The following SERPINB2 variants were observed in gnomAD, a reference collection of about 807,000 sequenced individuals.
SERPINB2 encodes serpin family B member 2, also known as plasminogen activator inhibitor 2.
Under a neutral mutation model 39.4 loss-of-function variants are expected in SERPINB2, and 28 were observed. The ratio of observed to expected loss-of-function variants is 0.71; its 90% CI spans 0.53 to 0.97. The LOEUF (loss-of-function observed/expected upper bound fraction) is 0.97, where lower values mean the gene tolerates loss of function less well. Among genes scored for constraint, SERPINB2 ranks in the 50% least tolerant of loss-of-function variants. The pLI is 0.00. For missense variants in SERPINB2, 557 were observed against 505.3 expected, an observed-to-expected ratio of 1.10 and a Z score of -0.98; for synonymous variants, 209 against 175.1, an observed-to-expected ratio of 1.19 and a Z score of -1.53.
chr18:63,898,030 C>T (rs1016325991), intron 5 of SERPINB2, among the ~76,000 whole-genome samples, 186 bp downstream of exon 5: 1 of 152,074 alleles, frequency 6.6e-6, no homozygotes, highest in Non-Finnish European at 1.5e-5. Flanking sequence ...TAATTGAGGC[C>T]TACTAATAGA....
At position 63,891,356 on chromosome 18, in the gene SERPINB2, C is replaced by G; in HGVS notation, c.-9-80C>G. The G allele has an allele frequency of 2.1e-6, 3 of 1,400,776 alleles. No individual in the cohort carries two copies. The African/African-American group carries it at 4.3e-5, about 20-fold the overall frequency. The allele number at this position is 1,400,776 out of a possible 1,614,324, so 86.8% of individuals were successfully genotyped here. On this transcript the variant is annotated intron_variant, in intron 1 of 7. Coordinates refer to ENST00000299502, the MANE Select transcript of SERPINB2 (RefSeq NM_002575.3). ...AATCTGTCCCTACACAGAATGCAGC[C>G]TGTCCTACTGTTGCTGACCTCACCC...
intron 5 of SERPINB2, among the ~76,000 whole-genome samples, chr18:63,900,282 A>T: frequency 6.6e-6 from 1 of 152,328 alleles, no homozygotes; most frequent in Middle Eastern, 3.4e-3. Context: ...ACTAACCAAA[A>T]ATTTTAATAG....
In SERPINB2 at chr18:63,901,767, G is replaced by T; in HGVS notation, c.563G>T (p.Gly188Val). 2 of 1,570,528 alleles carry T rather than the reference G, an allele frequency of 1.3e-6. No homozygotes were observed. Among genetic ancestry groups the T allele is most frequent in the Non-Finnish European group, 1.7e-6 (2 of 1,167,872 alleles). Reference protein sequence around the residue: ...KGKIPNLLPEGSVDGDTRMVL... With the variant: ...KGKIPNLLPEVSVDGDTRMVL... ...AAAATCCCAAACTTGTTACCTGAAG[G>T]TTCTGTAGATGGGGATACCAGGATG... Residue 188 changes from glycine (G) to valine (V), a missense_variant, in exon 6 of 8, where the codon GGT becomes GTT. Physicochemically the swap from Gly to Val is moderately radical, Grantham distance 109. Transcript: ENST00000299502.
At chr18:63,892,323 T>C (rs1568235191) in intron 2 of SERPINB2, among the ~76,000 whole-genome samples, 1 of 152,166 alleles carries the variant, frequency 6.6e-6, no homozygotes, top group Non-Finnish European at 1.5e-5. Context: ...CCTTGGTGAA[T>C]GGACGTGGAC....
At position 63,902,888 on chromosome 18, in the gene SERPINB2, T is replaced by C. The variant is rs146947244; in HGVS notation, c.844-13T>C. 2.4e-4 allele frequency: 378 copies of C among 1,559,766 alleles called. 3 individuals carry two copies. The East Asian group carries it at 7.8e-3, about 32-fold the overall frequency. On this transcript the variant is annotated splice_polypyrimidine_tract_variant and intron_variant, in intron 7 of 7. Coordinates refer to ENST00000299502, the MANE Select transcript of SERPINB2 (RefSeq NM_002575.3). ...ATTTTCTTTTGTTTGTTTTGTTTTG[T>C]TTTGCTTTGCAGCTGGAAAGTGAAA...
rs2050008801 is a variant in SERPINB2 at position 63,903,586 on chromosome 18, T to A, written c.*281T>A. The A allele has an allele frequency of 5.0e-6, 1 of 199,778 alleles. No individual in the cohort carries two copies. Among genetic ancestry groups the A allele is most frequent in the Non-Finnish European group, 9.9e-6 (1 of 100,564 alleles). 12.4% of individuals were successfully genotyped at this position (199,778 alleles called of 1,614,324 possible). A position where few individuals can be genotyped will look rare whatever the true frequency, so the allele number is the denominator to read the frequency against. The stretch of plus-strand genomic sequence containing the variant: ...ATAACATTAACTTTTACTTTGTTAT[T>A]TATTATTTTATATAATGGTGAGTTT... On this transcript the variant is annotated 3_prime_UTR_variant, in exon 8 of 8. Transcript: ENST00000299502.
chr18:63,900,436 G>A (rs2049984466), intron 5 of SERPINB2, among the ~76,000 whole-genome samples: 1 of 152,150 alleles, frequency 6.6e-6, no homozygotes, highest in South Asian at 2.1e-4. Flanking sequence ...GCTGGAGGTA[G>A]GGTAGAAGAA....
intron 1 of SERPINB2, among the ~76,000 whole-genome samples, chr18:63,888,208 C>A (rs1251714494): frequency 2.6e-5 from 4 of 152,098 alleles, no homozygotes; most frequent in African/African-American, 4.8e-5. Context: ...TCATTTGCAC[C>A]TTAAATGAAA....
intron 1 of SERPINB2, chr18:63,890,133 T>C (rs1435613797): frequency 6.6e-6 from 1 of 152,232 alleles, no homozygotes; most frequent in Non-Finnish European, 1.5e-5. Flanking sequence ...TTTAATTTAC[T>C]ATTTTTGTCT....
chr18:63,898,316 T>C (rs879187295), intron 5 of SERPINB2, among the ~76,000 whole-genome samples: 3 of 152,234 alleles, frequency 2.0e-5, no homozygotes, highest in Admixed American at 2.0e-4. Flanking sequence ...CAAGTTTTTT[T>C]GGTCTCTGCT....
Position 63,897,117 on chromosome 18 carries a change from A to ATCCT in SERPINB2, c.319_322dup (p.Arg108LeufsTer22). ...CACAAGCTGCAGATAAAATCCATTC[A>ATCCT]TCCTTCCGCTCTCTCAGCTCTGCAA... On this transcript the variant is annotated frameshift_variant, in exon 4 of 8. Coordinates refer to ENST00000299502, the MANE Select transcript of SERPINB2 (RefSeq NM_002575.3). LOFTEE classifies it high-confidence loss of function. 6.2e-7 allele frequency: 1 copy of ATCCT among 1,613,214 alleles called. No homozygotes were observed. Among genetic ancestry groups the ATCCT allele is most frequent in the Non-Finnish European group, 8.5e-7 (1 of 1,179,440 alleles).
At chr18:63,899,133 T>C (rs1334601421) in intron 5 of SERPINB2, among the ~76,000 whole-genome samples, 1 of 152,206 alleles carries the variant, frequency 6.6e-6, no homozygotes, top group South Asian at 2.1e-4. Context: ...AGGATTTAAG[T>C]TGCAGTTTAA....
rs950760245 is a variant in SERPINB2 at position 63,902,824 on chromosome 18, A to T, written c.844-77A>T. ...AGTAAAGTCACTGATTTTTAATATT[A>T]GACTTAAAGTTGTTTTCCTTCTTTC... On this transcript the variant is annotated intron_variant, in intron 7 of 7. Transcript: ENST00000299502. 19 of 1,388,630 alleles carry T rather than the reference A, an allele frequency of 1.4e-5. No homozygotes were observed. In the African/African-American group the frequency reaches 2.2e-4, roughly 16 times the overall value. 86.0% of individuals were successfully genotyped at this position (1,388,630 alleles called of 1,614,324 possible).
intron 6 of SERPINB2, among the ~76,000 whole-genome samples, chr18:63,902,158 C>T (rs2049995643): frequency 6.6e-6 from 1 of 152,074 alleles, no homozygotes; most frequent in Non-Finnish European, 1.5e-5. Context: ...AAGAACTAAA[C>T]AAGTGTTTTA....
intron 5 of SERPINB2, 82 bp downstream of exon 5, chr18:63,897,926 G>A (rs2049971051): frequency 1.1e-6 from 1 of 909,064 alleles, no homozygotes; most frequent in Non-Finnish European, 1.8e-6. Context: ...AACTTAGTTA[G>A]CCCTCACCCC....
At position 63,903,104 on chromosome 18, in the gene SERPINB2, G is replaced by A; in HGVS notation, c.1047G>A (p.Leu349=). The A allele has an allele frequency of 1.2e-6, 2 of 1,613,704 alleles. No individual in the cohort carries two copies. Among genetic ancestry groups the A allele is most frequent in the South Asian group, 1.1e-5 (1 of 91,046 alleles). ...CAGGGATGTCGGAGAGGAATGACCT[G>A]TTTCTTTCTGAAGTGTTCCACCAAG... is the stretch of plus-strand genomic sequence containing the variant. The part of the protein sequence containing the change: ...NFSGMSERND[L]FLSEVFHQAM... Residue 349 remains leucine (L), a synonymous_variant, in exon 8 of 8, where the codon CTG becomes CTA. Coordinates refer to ENST00000299502, the MANE Select transcript of SERPINB2 (RefSeq NM_002575.3).
chr18:63,889,756 G>A (rs1453908505), intron 1 of SERPINB2: 2 of 148,452 alleles, frequency 1.3e-5, no homozygotes, highest in African/African-American at 5.0e-5. Flanking sequence ...AAAAAAAAGT[G>A]ACTTTTTGTT....
At chr18:63,899,632 C>T (rs1056680862) in intron 5 of SERPINB2, among the ~76,000 whole-genome samples, 3 of 152,176 alleles carry the variant, frequency 2.0e-5, no homozygotes, top group African/African-American at 2.4e-5. Context: ...AGGGGATTAG[C>T]CGGCTCCCCT....
Position 63,895,374 on chromosome 18 carries a change from G to C in SERPINB2, c.279G>C (p.Ala93=), listed in dbSNP as rs6096. Residue 93 remains alanine, a synonymous_variant, in exon 3 of 8, where the codon GCG becomes GCC. Transcript: ENST00000299502. ...TCCAGAAGGGTAGTTATCCTGATGC[G>C]ATTTTGCAGGTATCTGACTTACTGG... is the stretch of plus-strand genomic sequence containing the variant. ...QQIQKGSYPD[A]ILQAQAADKI... is the part of the protein sequence containing the mutation. The C allele has an allele frequency of 2.5e-6, 4 of 1,613,928 alleles. No individual in the cohort carries two copies. The highest frequency in any genetic ancestry group is 3.4e-6 in the Non-Finnish European group (4 of 1,179,934).
Sources: allele counts gnomAD v4.1 joint callset (sites outside exome capture counted in the v4.1 genomes callset), GRCh38; gene constraint gnomAD v4.1.1; transcripts MANE v1.5; gene names NCBI Gene and HGNC (gene_info 2026-07-23, HGNC 2026-07-21).